Variants in DTYMK observed in about 807,000 individuals in gnomAD.
The protein encoded by DTYMK is thymidylate kinase.
Under a neutral mutation model 20.3 loss-of-function variants are expected in DTYMK, and 20 were observed. The ratio of observed to expected loss-of-function variants is 0.99; its 90% CI spans 0.69 to 1.43. DTYMK has a LOEUF of 1.43. Ranked by LOEUF, DTYMK falls within the 40% of genes most tolerant of loss-of-function variation. The probability of loss-of-function intolerance (pLI) is 0.00; values close to 1 mark genes in which losing one functional copy is unlikely to be tolerated. For synonymous variants in DTYMK, 148 were observed against 124.4 expected (o/e 1.19, Z -1.27); for missense variants, 320 against 291.1 (o/e 1.10, Z -0.72).
intron 1 of DTYMK, among the ~76,000 whole-genome samples, chr2:241,686,331 G>T (rs1324884737): frequency 6.6e-6 from 1 of 152,230 alleles, no homozygotes; most frequent in Non-Finnish European, 1.5e-5. Context: ...CCACGGTTTC[G>T]CGCGGGTTTA....
chr2:241,686,741 C>G lies in DTYMK; in HGVS notation c.43G>C (p.Asp15His). The G allele has an allele frequency of 6.5e-7, 1 of 1,544,914 alleles. No individual in the cohort carries two copies. The highest frequency in any genetic ancestry group is 8.6e-7 in the Non-Finnish European group (1 of 1,159,086). ...CTCTGCGTGCTCTTCCCGGCGCGGTCCACGCCCTCCAGCACTATGAGAGCC... is the reference window on the plus strand; with the variant it reads ...CTCTGCGTGCTCTTCCCGGCGCGGTGCACGCCCTCCAGCACTATGAGAGCC... Reference protein sequence around the residue: ...RGALIVLEGVDRAGKSTQSRK... With the variant: ...RGALIVLEGVHRAGKSTQSRK... The change falls in exon 1 of 5, where the codon GAC (aspartate) becomes CAC (histidine). Residue 15 changes from aspartate to histidine, a missense_variant. By Grantham distance (81) the Asp-to-His change is moderately conservative (BLOSUM62 -1). Transcript: ENST00000305784.
chr2:241,680,272 T>C lies in DTYMK; in HGVS notation c.287A>G (p.Asp96Gly). The change falls in exon 3 of 5, where the codon GAC (aspartate) becomes GGC (glycine). Residue 96 changes from aspartate (D) to glycine (G), a missense_variant. Transcript: ENST00000305784. ...GGCCACACCAGAAAATGCGTATCTG[T>C]CCACGACGAGGGTCACGCCCTGGCT... The part of the protein sequence containing the change: ...KLSQGVTLVV[D>G]RYAFSGVAFT... 1 of 1,614,188 alleles carries C rather than the reference T, an allele frequency of 6.2e-7. No homozygotes were observed. Among genetic ancestry groups the C allele is most frequent in the Non-Finnish European group, 8.5e-7 (1 of 1,180,042 alleles).
rs1018126387 is a variant in DTYMK at position 241,675,909 on chromosome 2, C to G, written c.*218G>C. On this transcript the variant is annotated 3_prime_UTR_variant, in exon 5 of 5. Transcript: ENST00000305784. ...ACAGGGGAGAGGGCAGGAGACTGCT[C>G]CATCGCTCTGCTCATGTCCACACTG... The G allele has an allele frequency of 8.2e-6, 4 of 488,982 alleles. No individual in the cohort carries two copies. Among genetic ancestry groups the G allele is most frequent in the Non-Finnish European group, 1.5e-5 (4 of 275,166 alleles). The allele number at this position is 488,982 out of a possible 1,614,324, so 30.3% of individuals were successfully genotyped here.
chr2:241,685,969 A>C (rs1042805904), intron 1 of DTYMK, 92 bp from the exon 2 acceptor site: 3 of 1,290,798 alleles, frequency 2.3e-6, no homozygotes, highest in Non-Finnish European at 2.2e-6. Context: ...TCCCGGACTC[A>C]AGTCTCACGT....
At chr2:241,679,207 T>A (rs1010115052) in intron 3 of DTYMK, among the ~76,000 whole-genome samples, 1 of 152,132 alleles carries the variant, frequency 6.6e-6, no homozygotes, top group Non-Finnish European at 1.5e-5. Context: ...CCTCCCTTAC[T>A]CATCCCATCT....
chr2:241,682,630 A>T (rs1329318923), intron 2 of DTYMK, among the ~76,000 whole-genome samples: 2 of 152,116 alleles, frequency 1.3e-5, no homozygotes, highest in African/African-American at 4.8e-5. Flanking sequence ...TCCTCAAAAA[A>T]TACAAAATTG....
rs188663113 is a variant in DTYMK at position 241,678,617 on chromosome 2, G to C, written c.363C>G (p.Asp121Glu). The change falls in exon 4 of 5, where the codon GAC (aspartate) becomes GAG (glutamate). Residue 121 changes from aspartate (D) to glutamate (E), a missense_variant. Coordinates refer to ENST00000305784, the MANE Select transcript of DTYMK (RefSeq NM_012145.4). ...CCAGGTCGGGTTTGGGAAGGCCCAC[G>C]TCTGGCTGTTTACACCAATCTAGGG... ...NFSLDWCKQPDVGLPKPDLVL... is the reference protein window; with the variant it reads ...NFSLDWCKQPEVGLPKPDLVL... 4.3e-6 allele frequency: 7 copies of C among 1,614,138 alleles called. No individual in the cohort carries two copies. The Admixed American group carries it at 8.3e-5, about 19-fold the overall frequency.
Position 241,675,878 on chromosome 2 carries a change from A to G in DTYMK, c.*249T>C. On this transcript the variant is annotated 3_prime_UTR_variant, in exon 5 of 5. Coordinates refer to ENST00000305784, the MANE Select transcript of DTYMK (RefSeq NM_012145.4). ...CAGTAAGAAAATACAACAGAGTGCCATCAGGACAGGGGAGAGGGCAGGAGA... is the reference window on the plus strand; with the variant it reads ...CAGTAAGAAAATACAACAGAGTGCCGTCAGGACAGGGGAGAGGGCAGGAGA... 2.6e-6 allele frequency: 1 copy of G among 380,370 alleles called. No homozygotes were observed. Among genetic ancestry groups the G allele is most frequent in the Non-Finnish European group, 4.7e-6 (1 of 212,628 alleles). The allele number at this position is 380,370 out of a possible 1,614,324, so 23.6% of individuals were successfully genotyped here.
intron 2 of DTYMK, among the ~76,000 whole-genome samples, chr2:241,683,683 T>C (rs563444170): frequency 2.6e-5 from 4 of 152,260 alleles, no homozygotes; most frequent in Non-Finnish European, 5.9e-5. Flanking sequence ...CTGCCAAAAC[T>C]TGGAAGCAAC....
At chr2:241,682,450 G>C in intron 2 of DTYMK, 1 of 282,902 alleles carries the variant, frequency 3.5e-6, no homozygotes, top group South Asian at 2.8e-5. Flanking sequence ...AGCATACAAA[G>C]AATTCTTAAA....
At position 241,680,247 on chromosome 2, in the gene DTYMK, G is replaced by A. The variant is rs528493935; in HGVS notation, c.312C>T (p.Ala104=). The A allele has an allele frequency of 6.9e-5, 111 of 1,614,174 alleles. No individual in the cohort carries two copies. The South Asian group carries it at 8.2e-4, about 12-fold the overall frequency. ...VVDRYAFSGV[A]FTGAKENFSL... is the part of the protein sequence containing the mutation. ...CACTCACCTCCTTGGCACCGGTGAAGGCCACACCAGAAAATGCGTATCTGT... is the reference window on the plus strand; with the variant it reads ...CACTCACCTCCTTGGCACCGGTGAAAGCCACACCAGAAAATGCGTATCTGT... The change falls in exon 3 of 5, where the codon GCC becomes GCT. Residue 104 remains alanine (A), a synonymous_variant. Coordinates refer to ENST00000305784, the MANE Select transcript of DTYMK (RefSeq NM_012145.4).
chr2:241,680,943 C>A (rs2069244305), intron 2 of DTYMK, among the ~76,000 whole-genome samples: 1 of 152,150 alleles, frequency 6.6e-6, no homozygotes, highest in African/African-American at 2.4e-5. Context: ...GAGGCCAGCT[C>A]TACCCTGTCG....
At chr2:241,682,198 C>G (rs971772246) in intron 2 of DTYMK, 1 of 450,418 alleles carries the variant, frequency 2.2e-6, no homozygotes, top group Non-Finnish European at 4.4e-6. Context: ...CAAAAATTAG[C>G]CAGGTGTGTT....
Position 241,683,482 on chromosome 2 carries a change from C to G in DTYMK, c.239+2287G>C, listed in dbSNP as rs1381254302. ...AATTGTTAGTGTATTTTATGCGTGG[C>G]CCAAGACATTTCTTCCAATGTGGCC... On this transcript the variant is annotated intron_variant, in intron 2 of 4. Coordinates refer to ENST00000305784, the MANE Select transcript of DTYMK (RefSeq NM_012145.4). 2.0e-5 allele frequency among the ~76,000 whole-genome samples: 3 copies of G among 152,066 alleles called. No homozygotes were observed. The East Asian group carries it at 5.8e-4, about 29-fold the overall frequency.
In DTYMK at chr2:241,676,346, G is replaced by A. The variant is rs1227904010; in HGVS notation, c.529-109C>T. On this transcript the variant is annotated intron_variant, in intron 4 of 4. Transcript: ENST00000305784. ...GCACTTTGGGAGGCCCACGAGGGAGGACTGCTTGTACCCAGGAGTTCAAGA... is the reference window on the plus strand; with the variant it reads ...GCACTTTGGGAGGCCCACGAGGGAGAACTGCTTGTACCCAGGAGTTCAAGA... The A allele has an allele frequency of 7.8e-6, 8 of 1,023,830 alleles. 1 individual carries two copies. The highest frequency in any genetic ancestry group is 1.1e-5 in the Non-Finnish European group (8 of 702,992). 63.4% of individuals were successfully genotyped at this position (1,023,830 alleles called of 1,614,324 possible).
Position 241,675,943 on chromosome 2 carries a change from C to G in DTYMK, c.*184G>C. The stretch of plus-strand genomic sequence containing the variant: ...TGCTCATGTCCACACTGCCAAGGTC[C>G]CCACCACGGGGGTCCCCAGTGCACC... On this transcript the variant is annotated 3_prime_UTR_variant, in exon 5 of 5. Transcript: ENST00000305784. 2 of 566,460 alleles carry G rather than the reference C, an allele frequency of 3.5e-6. No individual in the cohort carries two copies. Among genetic ancestry groups the G allele is most frequent in the Admixed American group, 6.6e-5 (2 of 30,336 alleles). The allele number at this position is 566,460 out of a possible 1,614,324, so 35.1% of individuals were successfully genotyped here.
Position 241,680,253 on chromosome 2 carries a change from A to G in DTYMK, c.306T>C (p.Gly102=), listed in dbSNP as rs1369794728. Reference sequence around the variant, plus strand: ...CCTCCTTGGCACCGGTGAAGGCCACACCAGAAAATGCGTATCTGTCCACGA... The same window carrying G: ...CCTCCTTGGCACCGGTGAAGGCCACGCCAGAAAATGCGTATCTGTCCACGA... ...TLVVDRYAFS[G]VAFTGAKENF... is the part of the protein sequence containing the mutation. Residue 102 remains glycine (G), a synonymous_variant, in exon 3 of 5, where the codon GGT becomes GGC. Transcript: ENST00000305784. The G allele has an allele frequency of 6.2e-7, 1 of 1,614,218 alleles. No homozygotes were observed. The highest frequency in any genetic ancestry group is 2.2e-5 in the East Asian group (1 of 44,882).
intron 4 of DTYMK, among the ~76,000 whole-genome samples, chr2:241,676,767 G>A (rs923733929): frequency 5.9e-5 from 9 of 152,240 alleles, no homozygotes; most frequent in African/African-American, 1.7e-4. Flanking sequence ...AGCACAGCCA[G>A]ACCCACCCAG....
chr2:241,682,083 A>G (rs2069268818), intron 2 of DTYMK: 1 of 347,490 alleles, frequency 2.9e-6, no homozygotes. Context: ...TCATGCCTCT[A>G]ATCACAGCAC....
Sources: gnomAD v4.1 joint callset for allele counts (sites outside exome capture counted in the v4.1 genomes callset) on GRCh38, gnomAD v4.1.1 for gene constraint, MANE v1.5 for transcripts, NCBI Gene and HGNC (gene_info 2026-07-23, HGNC 2026-07-21) for gene names.